The following PELP1 variants were observed in gnomAD, a reference collection of about 807,000 sequenced individuals.
The protein encoded by PELP1 is proline, glutamate and leucine rich protein 1.
In PELP1, 32 loss-of-function variants were observed where a neutral mutation model predicts 95.5. The ratio of observed to expected loss-of-function variants is 0.34; its 90% CI spans 0.25 to 0.45. The LOEUF (loss-of-function observed/expected upper bound fraction) is 0.45, where lower values mean the gene tolerates loss of function less well. Among genes scored for constraint, PELP1 ranks in the 20% least tolerant of loss-of-function variants. The pLI, the probability that PELP1 is intolerant of heterozygous loss-of-function variation, is 1.00. For synonymous variants in PELP1, 668 were observed against 600.1 expected (o/e 1.11, Z -1.65); for missense variants, 1,358 against 1,444.8 (o/e 0.94, Z 0.97).
At chr17:4,683,145 G>A (rs1024568339) in intron 3 of PELP1, 193 bp from the exon 4 acceptor site, 54 of 1,177,568 alleles carry the variant, frequency 4.6e-5, no homozygotes, top group Non-Finnish European at 5.3e-5. Context: ...GGGTATCTGG[G>A]GTCCTAGGAA....
Position 4,690,926 on chromosome 17 carries a change from A to G in PELP1, c.382T>C (p.Cys128Arg). The change falls in exon 3 of 17, where the codon TGT (cysteine) becomes CGT (arginine). Residue 128 changes from cysteine (C) to arginine (R), a missense_variant. Cys to Arg is a radical substitution (Grantham distance 180, BLOSUM62 -3). This residue lies in a region of PELP1 where 538 missense variants were observed against 628.1 expected (regional missense o/e 0.86). Coordinates refer to ENST00000572293, the MANE Select transcript of PELP1 (RefSeq NM_014389.3). ...ESPTELFQQH[C>R]VSWLRSIQQV... is the part of the protein sequence containing the mutation. ...TGAATGCTCCGAAGCCAAGACACAC[A>G]GTGCTGCTGGAATAGCTCTGTGGGG... 1 of 1,613,860 alleles carries G rather than the reference A, an allele frequency of 6.2e-7. No homozygotes were observed. Among genetic ancestry groups the G allele is most frequent in the African/African-American group, 1.3e-5 (1 of 75,028 alleles).
intron 1 of PELP1, among the ~76,000 whole-genome samples, chr17:4,698,401 C>T (rs1913379644): frequency 6.6e-6 from 1 of 151,102 alleles, no homozygotes; most frequent in Non-Finnish European, 1.5e-5. Flanking sequence ...GGGAGGACAA[C>T]GCGGGTGGAT....
At chr17:4,687,463 C>T (rs1213533132) in intron 3 of PELP1, among the ~76,000 whole-genome samples, 2 of 143,860 alleles carry the variant, frequency 1.4e-5, no homozygotes, top group African/African-American at 2.6e-5. Context: ...CACGCCACTG[C>T]ACTCCAGCCT....
chr17:4,697,913 C>A (rs944298185), intron 1 of PELP1, among the ~76,000 whole-genome samples: 1 of 151,516 alleles, frequency 6.6e-6, no homozygotes, highest in Non-Finnish European at 1.5e-5. Context: ...AAAATCATAC[C>A]TTTATAACAG....
At chr17:4,694,613 T>C (rs1169666467) in intron 1 of PELP1, among the ~76,000 whole-genome samples, 1 of 143,306 alleles carries the variant, frequency 7.0e-6, no homozygotes, top group East Asian at 2.1e-4. Context: ...TGAGCCAAGA[T>C]CGTGACACTG....
chr17:4,672,159 T>C lies in PELP1; in HGVS notation c.2832A>G (p.Glu944=), dbSNP rs1271640904. 6.4e-7 allele frequency: 1 copy of C among 1,551,926 alleles called. No individual in the cohort carries two copies. The highest frequency in any genetic ancestry group is 8.7e-7 in the Non-Finnish European group (1 of 1,147,082). ...EFEEEEGELE[E]EEEEEDEEEE... is the part of the protein sequence containing the mutation. ...CCTCCTCATCCTCCTCTTCTTCTTCTTCCTCTAACTCACCTTCTTCTTCCT... is the reference window on the plus strand; with the variant it reads ...CCTCCTCATCCTCCTCTTCTTCTTCCTCCTCTAACTCACCTTCTTCTTCCT... The change falls in exon 16 of 17, where the codon GAA becomes GAG. Residue 944 remains glutamate, a synonymous_variant. Transcript: ENST00000572293.
rs780912048 is a variant in PELP1 at position 4,672,567 on chromosome 17, T to C, written c.2424A>G (p.Pro808=). ...LPPPPPSGAT[P]PPIAPTGPPT... is the part of the protein sequence containing the mutation. The stretch of plus-strand genomic sequence containing the variant: ...GTGGCCCAGTGGGGGCTATAGGGGG[T>C]GGTGTGGCACCTGAGGGTGGTGGGG... The change falls in exon 16 of 17, where the codon CCA becomes CCG. Residue 808 remains proline (P), a synonymous_variant. Transcript: ENST00000572293. 3 of 800,072 alleles carry C rather than the reference T, an allele frequency of 3.7e-6. No individual in the cohort carries two copies. Among genetic ancestry groups the C allele is most frequent in the East Asian group, 1.9e-4 (2 of 10,276 alleles). The allele number at this position is 800,072 out of a possible 1,614,324, so 49.6% of individuals were successfully genotyped here.
intron 1 of PELP1, among the ~76,000 whole-genome samples, chr17:4,698,878 T>A (rs1447016663): frequency 6.6e-6 from 1 of 152,126 alleles, no homozygotes; most frequent in African/African-American, 2.4e-5. Flanking sequence ...AATGTCCTTG[T>A]TTTTAAGGAA....
chr17:4,673,686 G>T lies in PELP1; in HGVS notation c.1583-12C>A. 1 of 1,613,260 alleles carries T rather than the reference G, an allele frequency of 6.2e-7. No homozygotes were observed. The highest frequency in any genetic ancestry group is 1.1e-5 in the South Asian group (1 of 91,072). On this transcript the variant is annotated splice_polypyrimidine_tract_variant and intron_variant, in intron 13 of 16. Coordinates refer to ENST00000572293, the MANE Select transcript of PELP1 (RefSeq NM_014389.3). This position sits in a 1 kb window ranked among gnomAD's most constrained non-coding sequence, Gnocchi z 5.7. ...GGTCCGGCTGAGGCCTGGGGAAGAAGAATGGTGTGTAAAGGGTAGGCTCCC... is the reference window on the plus strand; with the variant it reads ...GGTCCGGCTGAGGCCTGGGGAAGAATAATGGTGTGTAAAGGGTAGGCTCCC...
chr17:4,673,489 C>T lies in PELP1; in HGVS notation c.1639-33G>A, dbSNP rs764252970. On this transcript the variant is annotated intron_variant, in intron 14 of 16. Coordinates refer to ENST00000572293, the MANE Select transcript of PELP1 (RefSeq NM_014389.3). The surrounding 1 kb of genome is among the most constrained non-coding windows in gnomAD (Gnocchi z 5.7). ...GGACAGAGCACACCTGGAAACATCCCCAAGACCACCCAACCCTTCTCCAGA... is the reference window on the plus strand; with the variant it reads ...GGACAGAGCACACCTGGAAACATCCTCAAGACCACCCAACCCTTCTCCAGA... 2 of 1,569,800 alleles carry T rather than the reference C, an allele frequency of 1.3e-6. No individual in the cohort carries two copies. Among genetic ancestry groups the T allele is most frequent in the South Asian group, 1.1e-5 (1 of 88,114 alleles).
intron 3 of PELP1, among the ~76,000 whole-genome samples, chr17:4,684,396 CAAGT>C (rs1289957345): frequency 6.6e-6 from 1 of 152,172 alleles, no homozygotes; most frequent in Non-Finnish European, 1.5e-5. Context: ...GAGATAATTA[CAAGT>C]AACTATAAAA....
At chr17:4,700,841 CTT>C (rs1350344251) in intron 1 of PELP1, among the ~76,000 whole-genome samples, 6 of 150,284 alleles carry the variant, frequency 4.0e-5, no homozygotes, top group Non-Finnish European at 8.9e-5. Context: ...GGAAGGATTA[CTT>C]GAACCTGGGA....
At chr17:4,678,383 G>A (rs1912571492) in intron 5 of PELP1, among the ~76,000 whole-genome samples, 1 of 152,016 alleles carries the variant, frequency 6.6e-6, no homozygotes, top group South Asian at 2.1e-4. Flanking sequence ...ACTGACGTGG[G>A]AGGATCACTT....
chr17:4,698,782 A>C (rs1050227145), intron 1 of PELP1, among the ~76,000 whole-genome samples: 1 of 152,134 alleles, frequency 6.6e-6, no homozygotes, highest in Non-Finnish European at 1.5e-5. Flanking sequence ...CTGATGGCAA[A>C]ACTTAAAAAA....
chr17:4,675,789 C>A lies in PELP1; in HGVS notation c.1068+8G>T. ...AAGGGCTCTGAAGAGATGACAAATCCCACTTACAATATTCTTGCTACTGAC... is the reference window on the plus strand; with the variant it reads ...AAGGGCTCTGAAGAGATGACAAATCACACTTACAATATTCTTGCTACTGAC... On this transcript the variant is annotated splice_region_variant and intron_variant, in intron 9 of 16. Coordinates refer to ENST00000572293, the MANE Select transcript of PELP1 (RefSeq NM_014389.3). This position sits in a 1 kb window ranked among gnomAD's most constrained non-coding sequence, Gnocchi z 4.3. 6.4e-7 allele frequency: 1 copy of A among 1,556,036 alleles called. No individual in the cohort carries two copies. Among genetic ancestry groups the A allele is most frequent in the Non-Finnish European group, 8.7e-7 (1 of 1,145,948 alleles).
At chr17:4,683,050 T>A in intron 3 of PELP1, 98 bp from the exon 4 acceptor site, 1 of 1,370,672 alleles carries the variant, frequency 7.3e-7, no homozygotes, top group Non-Finnish European at 9.5e-7. Context: ...ATGCCACGGT[T>A]AATGTCAGTC....
intron 7 of PELP1, 63 bp downstream of exon 7, chr17:4,676,294 T>C (rs1427240204): frequency 1.9e-6 from 3 of 1,583,256 alleles, no homozygotes; most frequent in Non-Finnish European, 2.6e-6. Flanking sequence ...TGGGCTCCCC[T>C]CCTGTTCCTT....
intron 5 of PELP1, among the ~76,000 whole-genome samples, 188 bp from the exon 6 acceptor site, chr17:4,677,000 C>T (rs1230915374): frequency 1.3e-5 from 2 of 152,204 alleles, no homozygotes; most frequent in African/African-American, 2.4e-5. Context: ...GACTCCTCAA[C>T]GCCAGCTCTG....
rs1407913941 is a variant in PELP1 at position 4,674,850 on chromosome 17, G to A, written c.1381C>T (p.His461Tyr). ...GGCGGGGAGATGTCGCTGAGCAGGT[G>A]GGTGAGCAGGGCCTCTCCAGAGGCT... ...GGASGEALLT[H>Y]LLSDISPPAD... Residue 461 changes from histidine to tyrosine, a missense_variant, in exon 12 of 17, where the codon CAC (histidine) becomes TAC (tyrosine). Physicochemically the swap from His to Tyr is moderately conservative, Grantham distance 83. Coordinates refer to ENST00000572293, the MANE Select transcript of PELP1 (RefSeq NM_014389.3). 3.1e-6 allele frequency: 5 copies of A among 1,613,338 alleles called. No individual in the cohort carries two copies. Among genetic ancestry groups the A allele is most frequent in the Admixed American group, 3.3e-5 (2 of 59,990 alleles).
Sources: gnomAD v4.1 joint callset for allele counts (sites outside exome capture counted in the v4.1 genomes callset) on GRCh38, gnomAD v4.1.1 for gene constraint, gnomAD v4.1.1 regional missense constraint, Gnocchi (gnomAD v3.1) non-coding constraint, MANE v1.5 for transcripts, NCBI Gene and HGNC (gene_info 2026-07-23, HGNC 2026-07-21) for gene names.